Variants in HOXA13 observed in about 807,000 individuals in gnomAD.
The protein encoded by HOXA13 is homeobox A13.
Under a neutral mutation model 25.7 loss-of-function variants are expected in HOXA13, and 5 were observed. The ratio of observed to expected loss-of-function variants is 0.19; its 90% confidence interval spans 0.10 to 0.41. The LOEUF (loss-of-function observed/expected upper bound fraction) is 0.41, where lower values mean the gene tolerates loss of function less well. Ranked by LOEUF, HOXA13 falls within the 10% of genes least tolerant of loss-of-function variation. The pLI is 1.00. For synonymous variants in HOXA13, 284 were observed against 241.1 expected (o/e 1.18, Z -1.65); for missense variants, 557 against 533.5 (o/e 1.04, Z -0.43).
In HOXA13 at chr7:27,199,465, C is replaced by A. The variant is rs750301321; in HGVS notation, c.613G>T (p.Ala205Ser). 6.2e-7 allele frequency: 1 copy of A among 1,610,106 alleles called. No individual in the cohort carries two copies. Among genetic ancestry groups the A allele is most frequent in the Admixed American group, 1.7e-5 (1 of 59,912 alleles). The change falls in exon 1 of 2, where the codon GCC becomes TCC. Residue 205 changes from alanine (A) to serine (S), a missense_variant. By Grantham distance (99) the Ala-to-Ser change is moderately conservative (BLOSUM62 1). Coordinates refer to ENST00000649031, the MANE Select transcript of HOXA13 (RefSeq NM_000522.5). ...GTATCCATGTACTTGTCCGCGAAGG[C>A]GGCGGCGGCGGCGGCCGAGGCGGGC... ...AQPASAAAAA[A>S]FADKYMDTAG...
At position 27,199,440 on chromosome 7, in the gene HOXA13, G is replaced by A; in HGVS notation, c.638C>T (p.Thr213Ile). ...AAAFADKYMD[T>I]AGPAAEEFSS... ...GAACTCCTCGGCAGCTGGGCCGGCG[G>A]TATCCATGTACTTGTCCGCGAAGGC... Residue 213 changes from threonine (T) to isoleucine (I), a missense_variant, in exon 1 of 2, where the codon ACC becomes ATC. Thr to Ile is a moderately conservative substitution (Grantham distance 89). Coordinates refer to ENST00000649031, the MANE Select transcript of HOXA13 (RefSeq NM_000522.5). 6.2e-7 allele frequency: 1 copy of A among 1,613,622 alleles called. No individual in the cohort carries two copies. Among genetic ancestry groups the A allele is most frequent in the Non-Finnish European group, 8.5e-7 (1 of 1,179,926 alleles).
rs1243248573 is a variant in HOXA13, at chr7:27,200,049, C to A, written c.29G>T (p.Arg10Leu). MTASVLLHP[R>L]WIEPTVMFLY... ...AAACATGACGGTGGGCTCGATCCAG[C>A]GGGGGTGGAGGAGCACGGAGGCTGT... The change falls in exon 1 of 2, where the codon CGC (arginine) becomes CTC (leucine). Residue 10 changes from arginine to leucine, a missense_variant. By Grantham distance (102) the Arg-to-Leu change is moderately radical. Coordinates refer to ENST00000649031, the MANE Select transcript of HOXA13 (RefSeq NM_000522.5). 2 of 1,477,896 alleles carry A rather than the reference C, an allele frequency of 1.4e-6. No individual in the cohort carries two copies. Among genetic ancestry groups the A allele is most frequent in the Non-Finnish European group, 1.8e-6 (2 of 1,098,536 alleles). 91.5% of individuals were successfully genotyped at this position (1,477,896 alleles called of 1,614,324 possible). A position where few individuals can be genotyped will look rare whatever the true frequency, so the allele number is the denominator to read the frequency against.
At position 27,196,941 on chromosome 7, in the gene HOXA13, T is replaced by G. The variant is rs998712643; in HGVS notation, c.*1257A>C. The G allele has an allele frequency of 7.2e-4, 131 of 181,660 alleles. No homozygotes were observed. Among genetic ancestry groups the G allele is most frequent in the Middle Eastern group, 4.2e-3 (2 of 474 alleles). 11.3% of individuals were successfully genotyped at this position (181,660 alleles called of 1,614,324 possible). ...ATCACTATCTACAGGTCTAAGGGTT[T>G]TTTTTTTTCATTTTTAGTAGAAATA... On this transcript the variant is annotated 3_prime_UTR_variant, in exon 2 of 2. Transcript: ENST00000649031.
Position 27,196,631 on chromosome 7 carries a change from T to C in HOXA13, c.*1567A>G, listed in dbSNP as rs1010884385. On this transcript the variant is annotated 3_prime_UTR_variant, in exon 2 of 2. Coordinates refer to ENST00000649031, the MANE Select transcript of HOXA13 (RefSeq NM_000522.5). Reference sequence around the variant, plus strand: ...ACAGGGAGCCTGGGAATTCATACTATCTCTTCCTCCTTTCTTTTCTCTCCC... The same window carrying C: ...ACAGGGAGCCTGGGAATTCATACTACCTCTTCCTCCTTTCTTTTCTCTCCC... 4 of 152,362 alleles carry C rather than the reference T, an allele frequency of 2.6e-5. No individual in the cohort carries two copies. The highest frequency in any genetic ancestry group is 5.9e-5 in the Non-Finnish European group (4 of 68,116). 9.4% of individuals were successfully genotyped at this position (152,362 alleles called of 1,614,324 possible).
At chr7:27,199,058 G>T in intron 1 of HOXA13, 98 bp downstream of exon 1, 1 of 1,200,392 alleles carries the variant, frequency 8.3e-7, no homozygotes, top group Non-Finnish European at 1.2e-6. Flanking sequence ...GGCAGACCAG[G>T]AAGAGAACAG....
At chr7:27,198,555 C>T (rs1784034721) in intron 1 of HOXA13, 113 bp from the exon 2 acceptor site, 4 of 1,276,944 alleles carry the variant, frequency 3.1e-6, no homozygotes, top group South Asian at 1.2e-5. Context: ...CTTTGCCACC[C>T]GCTGTACAAT....
rs1000849097 is a variant in HOXA13 at position 27,196,141 on chromosome 7, C to G, written c.*2057G>C. ...TCATTAGCAATTAATGATATGATAT[C>G]TGTACAGATTCTACAAATATATATA... On this transcript the variant is annotated 3_prime_UTR_variant, in exon 2 of 2. Transcript: ENST00000649031. 1 of 152,196 alleles carries G rather than the reference C, an allele frequency of 6.6e-6. No homozygotes were observed. The highest frequency in any genetic ancestry group is 1.5e-5 in the Non-Finnish European group (1 of 68,022). 9.4% of individuals were successfully genotyped at this position (152,196 alleles called of 1,614,324 possible). A position where few individuals can be genotyped will look rare whatever the true frequency, so the allele number is the denominator to read the frequency against.
intron 1 of HOXA13, 43 bp from the exon 2 acceptor site, chr7:27,198,485 C>T: frequency 6.2e-7 from 1 of 1,610,736 alleles, no homozygotes. Context: ...GGATCGGACC[C>T]CAGCCAGGGC....
chr7:27,196,938 G>GT lies in HOXA13; in HGVS notation c.*1259dup, dbSNP rs60250869. On this transcript the variant is annotated 3_prime_UTR_variant, in exon 2 of 2. Transcript: ENST00000649031. ...GATATCACTATCTACAGGTCTAAGG[G>GT]TTTTTTTTTTTCATTTTTAGTAGAA... 1,291 of 180,804 alleles carry GT rather than the reference G, an allele frequency of 7.1e-3. 9 individuals are homozygous for GT. Among genetic ancestry groups the GT allele is most frequent in the East Asian group, 0.018 (190 of 10,564 alleles). 11.2% of individuals were successfully genotyped at this position (180,804 alleles called of 1,614,324 possible).
Position 27,199,960 on chromosome 7 carries a change from C to T in HOXA13, c.118G>A (p.Ala40Thr). Residue 40 changes from alanine to threonine, a missense_variant, in exon 1 of 2, where the codon GCG (alanine) becomes ACG (threonine). Ala to Thr is a moderately conservative substitution (Grantham distance 58). Coordinates refer to ENST00000649031, the MANE Select transcript of HOXA13 (RefSeq NM_000522.5). Reference protein sequence around the residue: ...ELNKNMEGAAAAAAAAAAAAA... With the variant: ...ELNKNMEGAATAAAAAAAAAA... ...GCCGCTGCAGCCGCTGCTGCAGCCG[C>T]CGCCGCCCCTTCCATGTTCTTGTTG... is the stretch of plus-strand genomic sequence containing the variant. 1.4e-6 allele frequency: 2 copies of T among 1,411,330 alleles called. No individual in the cohort carries two copies. The highest frequency in any genetic ancestry group is 1.9e-6 in the Non-Finnish European group (2 of 1,065,804). The allele number at this position is 1,411,330 out of a possible 1,614,324, so 87.4% of individuals were successfully genotyped here.
chr7:27,200,062 G>A lies in HOXA13; in HGVS notation c.16C>T (p.Leu6Phe), dbSNP rs775361112. The change falls in exon 1 of 2, where the codon CTC (leucine) becomes TTC (phenylalanine). Residue 6 changes from leucine (L) to phenylalanine (F), a missense_variant. Leu to Phe is a conservative substitution (Grantham distance 22). Coordinates refer to ENST00000649031, the MANE Select transcript of HOXA13 (RefSeq NM_000522.5). ...GGCTCGATCCAGCGGGGGTGGAGGAGCACGGAGGCTGTCATAGCCCGAGCC... is the reference window on the plus strand; with the variant it reads ...GGCTCGATCCAGCGGGGGTGGAGGAACACGGAGGCTGTCATAGCCCGAGCC... MTASV[L>F]LHPRWIEPTV... 2 of 1,473,686 alleles carry A rather than the reference G, an allele frequency of 1.4e-6. No homozygotes were observed. The highest frequency in any genetic ancestry group is 3.8e-5 in the Admixed American group (2 of 52,078). The allele number at this position is 1,473,686 out of a possible 1,614,324, so 91.3% of individuals were successfully genotyped here. A position where few individuals can be genotyped will look rare whatever the true frequency, so the allele number is the denominator to read the frequency against.
rs1784061571 is a variant in HOXA13 at position 27,199,568 on chromosome 7, G to A, written c.510C>T (p.Pro170=). The A allele has an allele frequency of 6.5e-7, 1 of 1,545,892 alleles. No homozygotes were observed. The highest frequency in any genetic ancestry group is 1.4e-5 in the African/African-American group (1 of 73,164). Residue 170 remains proline (P), a synonymous_variant, in exon 1 of 2, where the codon CCC becomes CCT. Transcript: ENST00000649031. ...AGTAGCCGCTGCCGAAGTAGCCATA[G>A]GGCAGCGCCGCGGGCCCCGACGAGC... is the stretch of plus-strand genomic sequence containing the variant. ...AQSSSGPAAL[P]YGYFGSGYYP... is the part of the protein sequence containing the mutation.
chr7:27,199,679 CGCG>C lies in HOXA13; in HGVS notation c.396_398del (p.Ala133del), dbSNP rs955237055. ...CCGGGCCGGGACCTCCCGAGGACGACGCGGCGGCGGCGGCGGCGGCTGCAGCGG... is the reference window on the plus strand; with the variant it reads ...CCGGGCCGGGACCTCCCGAGGACGACGCGGCGGCGGCGGCGGCTGCAGCGG... On this transcript the variant is annotated inframe_deletion, in exon 1 of 2. Transcript: ENST00000649031. The C allele has an allele frequency of 2.9e-4, 338 of 1,156,770 alleles. No individual in the cohort carries two copies. Among genetic ancestry groups the C allele is most frequent in the East Asian group, 7.0e-4 (18 of 25,658 alleles). 71.7% of individuals were successfully genotyped at this position (1,156,770 alleles called of 1,614,324 possible).
In HOXA13 at chr7:27,194,760, A is replaced by AG. The variant is rs1435638109; in HGVS notation, c.*3437dup. On this transcript the variant is annotated 3_prime_UTR_variant, in exon 2 of 2. Coordinates refer to ENST00000649031, the MANE Select transcript of HOXA13 (RefSeq NM_000522.5). ...CATTACAGTTTCAAAAACTAGAGAG[A>AG]GAAAAAAAGAAGGCTACTACTTTAC... 6.6e-6 allele frequency: 1 copy of AG among 152,214 alleles called. No individual in the cohort carries two copies. The highest frequency in any genetic ancestry group is 1.5e-5 in the Non-Finnish European group (1 of 68,042). The allele number at this position is 152,214 out of a possible 1,614,324, so 9.4% of individuals were successfully genotyped here.
Position 27,199,440 on chromosome 7 carries a change from G to T in HOXA13, c.638C>A (p.Thr213Asn), listed in dbSNP as rs1474480787. The change falls in exon 1 of 2, where the codon ACC becomes AAC. Residue 213 changes from threonine to asparagine, a missense_variant. By Grantham distance (65) the Thr-to-Asn change is moderately conservative. Coordinates refer to ENST00000649031, the MANE Select transcript of HOXA13 (RefSeq NM_000522.5). ...AAAFADKYMD[T>N]AGPAAEEFSS... ...GAACTCCTCGGCAGCTGGGCCGGCG[G>T]TATCCATGTACTTGTCCGCGAAGGC... 2 of 1,613,504 alleles carry T rather than the reference G, an allele frequency of 1.2e-6. No homozygotes were observed. Among genetic ancestry groups the T allele is most frequent in the East Asian group, 2.2e-5 (1 of 44,862 alleles).
rs34398255 is a variant in HOXA13 at position 27,199,582 on chromosome 7, G to T, written c.496C>A (p.Pro166Thr). 0.022 allele frequency: 32,941 copies of T among 1,524,920 alleles called. 466 individuals carry two copies. The highest frequency in any genetic ancestry group is 0.023 in the African/African-American group (1,705 of 72,590). 94.5% of individuals were successfully genotyped at this position (1,524,920 alleles called of 1,614,324 possible). A position where few individuals can be genotyped will look rare whatever the true frequency, so the allele number is the denominator to read the frequency against. The change falls in exon 1 of 2, where the codon CCC becomes ACC. Residue 166 changes from proline to threonine, a missense_variant. By Grantham distance (38) the Pro-to-Thr change is conservative. Coordinates refer to ENST00000649031, the MANE Select transcript of HOXA13 (RefSeq NM_000522.5). ...CSAAAQSSSG[P>T]AALPYGYFGS... ...AAGTAGCCATAGGGCAGCGCCGCGG[G>T]CCCCGACGAGCTCTGCGCCGCTGCC...
rs1784012175 is a variant in HOXA13, at chr7:27,197,014, T to C, written c.*1184A>G. 3 of 197,712 alleles carry C rather than the reference T, an allele frequency of 1.5e-5. No individual in the cohort carries two copies. The highest frequency in any genetic ancestry group is 6.1e-5 in the Admixed American group (1 of 16,482). The allele number at this position is 197,712 out of a possible 1,614,324, so 12.2% of individuals were successfully genotyped here. A position where few individuals can be genotyped will look rare whatever the true frequency, so the allele number is the denominator to read the frequency against. On this transcript the variant is annotated 3_prime_UTR_variant, in exon 2 of 2. Transcript: ENST00000649031. Reference sequence around the variant, plus strand: ...ACATTTTCACAGTGTGCTGAATGTCTTTATTTACAAGATATCATTCTATAG... The same window carrying C: ...ACATTTTCACAGTGTGCTGAATGTCCTTATTTACAAGATATCATTCTATAG...
At position 27,199,803 on chromosome 7, in the gene HOXA13, G is replaced by C. The variant is rs1232777611; in HGVS notation, c.275C>G (p.Ala92Gly). 3 of 1,018,650 alleles carry C rather than the reference G, an allele frequency of 2.9e-6. No individual in the cohort carries two copies. Among genetic ancestry groups the C allele is most frequent in the Non-Finnish European group, 2.4e-6 (2 of 845,978 alleles). The allele number at this position is 1,018,650 out of a possible 1,614,324, so 63.1% of individuals were successfully genotyped here. ...AAANQCRNLM[A>G]HPAPLAPGAA... ...TCCTGGCGCCAAGGGCGCCGGGTGC[G>C]CCATCAGGTTGCGGCACTGGTTGGC... is the stretch of plus-strand genomic sequence containing the variant. Residue 92 changes from alanine to glycine, a missense_variant, in exon 1 of 2, where the codon GCG (alanine) becomes GGG (glycine). Physicochemically the swap from Ala to Gly is moderately conservative, Grantham distance 60. Transcript: ENST00000649031.
Position 27,199,207 on chromosome 7 carries a change from A to G in HOXA13, c.871T>C (p.Cys291Arg). The G allele has an allele frequency of 6.2e-7, 1 of 1,613,412 alleles. No individual in the cohort carries two copies. The highest frequency in any genetic ancestry group is 8.5e-7 in the Non-Finnish European group (1 of 1,179,662). The change falls in exon 1 of 2, where the codon TGC becomes CGC. Residue 291 changes from cysteine (C) to arginine (R), a missense_variant. Transcript: ENST00000649031. ...GGAGGCTGCGCCTGCTCTTTGGGGC[A>G]GTACATTTGGCCGTTCCAGCCGTTG... ...LPNGWNGQMY[C>R]PKEQAQPPHL...
Sources: allele counts gnomAD v4.1 joint callset, GRCh38; gene constraint gnomAD v4.1.1; transcripts MANE v1.5; gene names NCBI Gene and HGNC (gene_info 2026-07-23, HGNC 2026-07-21).